Variants in NCAPG2 observed in about 807,000 individuals in gnomAD.
NCAPG2 encodes the protein condensin-2 complex subunit G2.
NCAPG2 carries 53 observed loss-of-function variants against 141.1 expected under a neutral mutation model. That is an observed-to-expected ratio of 0.38 (90% CI 0.30 to 0.47). The LOEUF is 0.47. Ranked by LOEUF, NCAPG2 falls within the 20% of genes least tolerant of loss-of-function variation. The pLI is 0.99. For missense variants in NCAPG2, 1,087 were observed against 1,389.0 expected (o/e 0.78, Z 3.46); for synonymous variants, 499 against 490.7 (o/e 1.02, Z -0.22).
At position 158,679,948 on chromosome 7, in the gene NCAPG2, T is replaced by C; in HGVS notation, c.1146+12A>G. 6.2e-7 allele frequency: 1 copy of C among 1,613,096 alleles called. No individual in the cohort carries two copies. The highest frequency in any genetic ancestry group is 1.1e-5 in the South Asian group (1 of 90,828). On this transcript the variant is annotated intron_variant, in intron 11 of 27. Transcript: ENST00000356309. ...GATATCTGTAAGAAGCTTGACCACCTGAAGTACGTACATAGAGCTCTTCAA... is the reference window on the plus strand; with the variant it reads ...GATATCTGTAAGAAGCTTGACCACCCGAAGTACGTACATAGAGCTCTTCAA...
intron 1 of NCAPG2, among the ~76,000 whole-genome samples, chr7:158,702,830 A>C (rs1835895767): frequency 6.6e-6 from 1 of 152,212 alleles, no homozygotes; most frequent in Non-Finnish European, 1.5e-5. Flanking sequence ...TCCCGAAATA[A>C]GTTAACAGTG....
chr7:158,650,893 C>T lies in NCAPG2; in HGVS notation c.3014G>A (p.Arg1005Gln), dbSNP rs765636505. ...AGCGATCAGAGTAGAAAGTACACCCCGGTGCACAGGGGTGTCTGTGTGCCG... is the reference window on the plus strand; with the variant it reads ...AGCGATCAGAGTAGAAAGTACACCCTGGTGCACAGGGGTGTCTGTGTGCCG... ...QSRHTDTPVH[R>Q]GVLSTLIAGP... The change falls in exon 24 of 28, where the codon CGG becomes CAG. Residue 1005 changes from arginine (R) to glutamine (Q), a missense_variant. Arg to Gln is a conservative substitution (Grantham distance 43, BLOSUM62 1). Coordinates refer to ENST00000356309, the MANE Select transcript of NCAPG2 (RefSeq NM_017760.7). 2.0e-5 allele frequency: 32 copies of T among 1,613,890 alleles called. No individual in the cohort carries two copies. The highest frequency in any genetic ancestry group is 1.1e-4 in the South Asian group (10 of 91,046).
Position 158,690,692 on chromosome 7 carries a change from C to G in NCAPG2, c.413G>C (p.Arg138Pro), listed in dbSNP as rs773534838. 1.9e-6 allele frequency: 3 copies of G among 1,614,016 alleles called. No individual in the cohort carries two copies. Among genetic ancestry groups the G allele is most frequent in the Non-Finnish European group, 2.5e-6 (3 of 1,179,920 alleles). ...GILYALPESE[R>P]KLQSSIQDLC... is the part of the protein sequence containing the mutation. ...ATCCTGAATAGAACTCTGTAGTTTT[C>G]GTTCAGACTCAGGTAATGCATATAA... The change falls in exon 5 of 28, where the codon CGA (arginine) becomes CCA (proline). Residue 138 changes from arginine (R) to proline (P), a missense_variant. Physicochemically the swap from Arg to Pro is moderately radical, Grantham distance 103. Coordinates refer to ENST00000356309, the MANE Select transcript of NCAPG2 (RefSeq NM_017760.7).
intron 17 of NCAPG2, among the ~76,000 whole-genome samples, chr7:158,657,699 G>A (rs1470006824): frequency 1.3e-5 from 2 of 152,238 alleles, no homozygotes; most frequent in Non-Finnish European, 2.9e-5. Flanking sequence ...TGGCGGTTTT[G>A]TGGAATGGAG....
chr7:158,700,395 G>C (rs1390853265), intron 2 of NCAPG2, among the ~76,000 whole-genome samples: 1 of 152,220 alleles, frequency 6.6e-6, no homozygotes, highest in African/African-American at 2.4e-5. Flanking sequence ...GTGGCCACCA[G>C]TGTGATTTTG....
chr7:158,643,893 C>T (rs1004972603), intron 27 of NCAPG2, among the ~76,000 whole-genome samples: 4 of 152,208 alleles, frequency 2.6e-5, no homozygotes, highest in African/African-American at 7.2e-5. Context: ...GGGGAAATTA[C>T]ACACATCTCA....
At chr7:158,666,137 A>G (rs983248906) in intron 13 of NCAPG2, among the ~76,000 whole-genome samples, 1 of 152,210 alleles carries the variant, frequency 6.6e-6, no homozygotes, top group Non-Finnish European at 1.5e-5. Flanking sequence ...AAGGGACTGG[A>G]GATTTCTTAC....
intron 1 of NCAPG2, among the ~76,000 whole-genome samples, chr7:158,703,962 TC>T (rs1355704450): frequency 1.4e-5 from 2 of 144,818 alleles, no homozygotes; most frequent in Admixed American, 6.8e-5. Flanking sequence ...CTGAGGGGAC[TC>T]TCTCTGAGGG....
rs1832565638 is a variant in NCAPG2 at position 158,662,224 on chromosome 7, A to G, written c.1959T>C (p.Ser653=). ...AKLYTINKFA[S]VLPEYLKVFK... is the part of the protein sequence containing the mutation. Reference sequence around the variant, plus strand: ...ATACTTTCAGATACTCTGGAAGCACAGAGGCAAACTTGTTAATCGTGTAAA... The same window carrying G: ...ATACTTTCAGATACTCTGGAAGCACGGAGGCAAACTTGTTAATCGTGTAAA... Residue 653 remains serine, a synonymous_variant, in exon 16 of 28, where the codon TCT becomes TCC. Transcript: ENST00000356309. The G allele has an allele frequency of 1.9e-6, 3 of 1,609,246 alleles. No individual in the cohort carries two copies. The highest frequency in any genetic ancestry group is 2.5e-6 in the Non-Finnish European group (3 of 1,178,536).
intron 17 of NCAPG2, among the ~76,000 whole-genome samples, chr7:158,657,546 A>AC (rs981875816): frequency 8.5e-5 from 13 of 152,218 alleles, no homozygotes; most frequent in African/African-American, 2.9e-4. Context: ...TCAGCCCCCC[A>AC]CCCGGCCAGC....
chr7:158,672,288 G>GTATATATA (rs1563549278), intron 12 of NCAPG2, among the ~76,000 whole-genome samples: 10 of 24,606 alleles, frequency 4.1e-4, no homozygotes, highest in Admixed American at 1.9e-3. Context: ...ATGTGTGTGT[G>GTATATATA]TGTGTATATA....
chr7:158,639,625 AC>A lies in NCAPG2; in HGVS notation c.3380+4663del, dbSNP rs956179962. 1.4e-4 allele frequency among the ~76,000 whole-genome samples: 21 copies of A among 152,220 alleles called. 1 individual carries two copies. Among genetic ancestry groups the A allele is most frequent in the Admixed American group, 1.2e-3 (19 of 15,282 alleles). On this transcript the variant is annotated intron_variant, in intron 27 of 27. Coordinates refer to ENST00000356309, the MANE Select transcript of NCAPG2 (RefSeq NM_017760.7). ...AATAGGAAATCAGACCCAACTACTA[AC>A]ATAGAAGAAACAGGGAAAAGTCATC...
Position 158,693,428 on chromosome 7 carries a change from A to C in NCAPG2, c.148T>G (p.Leu50Val), listed in dbSNP as rs767509794. The change falls in exon 3 of 28, where the codon TTA becomes GTA. Residue 50 changes from leucine (L) to valine (V), a missense_variant. Coordinates refer to ENST00000356309, the MANE Select transcript of NCAPG2 (RefSeq NM_017760.7). ...DELSRKQKEELWQRLKNLLTD... is the reference protein window; with the variant it reads ...DELSRKQKEEVWQRLKNLLTD... The stretch of plus-strand genomic sequence containing the variant: ...AATAAATTCTTCAGCCTTTGCCATA[A>C]TTCTTCTTTCTGTTTCCTTGATAAT... 5.6e-6 allele frequency: 9 copies of C among 1,614,042 alleles called. No homozygotes were observed. Among genetic ancestry groups the C allele is most frequent in the Non-Finnish European group, 7.6e-6 (9 of 1,179,926 alleles).
In NCAPG2 at chr7:158,654,777, A is replaced by G. The variant is rs548437181; in HGVS notation, c.2647-83T>C. On this transcript the variant is annotated intron_variant, in intron 21 of 27. Transcript: ENST00000356309. ...CAGCCTCACAAAGCTTCTCCTATCC[A>G]TGTGCTAGTTATCTTATAAAGCAGA... 665 of 1,513,176 alleles carry G rather than the reference A, an allele frequency of 4.4e-4. 1 individual carries two copies. Among genetic ancestry groups the G allele is most frequent in the Middle Eastern group, 3.0e-3 (17 of 5,598 alleles). 93.7% of individuals were successfully genotyped at this position (1,513,176 alleles called of 1,614,324 possible). A position where few individuals can be genotyped will look rare whatever the true frequency, so the allele number is the denominator to read the frequency against.
rs1204800191 is a variant in NCAPG2, at chr7:158,701,861, C to T, written c.39G>A (p.Lys13=). 3 of 1,613,800 alleles carry T rather than the reference C, an allele frequency of 1.9e-6. No individual in the cohort carries two copies. Among genetic ancestry groups the T allele is most frequent in the Middle Eastern group, 3.3e-4 (2 of 6,060 alleles). The part of the protein sequence containing the change: ...KRETFVQAVS[K]ELVGEFLQFV... ...ATTGCAAAAACTCTCCAACCAGCTC[C>T]TTAGACACGGCTTGTACAAACGTCT... The change falls in exon 2 of 28, where the codon AAG becomes AAA. Residue 13 remains lysine (K), a synonymous_variant. Transcript: ENST00000356309.
chr7:158,653,387 A>AAAAAAAT (rs1554553516), intron 22 of NCAPG2, among the ~76,000 whole-genome samples: 1 of 146,092 alleles, frequency 6.8e-6, no homozygotes, highest in African/African-American at 2.5e-5. Context: ...ATAAAAAAAA[A>AAAAAAAT]AATAATAATA....
rs752369448 is a variant in NCAPG2 at position 158,659,244 on chromosome 7, G to A, written c.1990-836C>T. Among the ~76,000 whole-genome samples, 6 of 146,770 alleles carry A rather than the reference G, an allele frequency of 4.1e-5. No individual in the cohort carries two copies. The East Asian group carries it at 8.1e-4, about 20-fold the overall frequency. On this transcript the variant is annotated intron_variant, in intron 16 of 27. Transcript: ENST00000356309. ...CTCGGAAGGCTGGGGCAGAAGAATC[G>A]CCTGAACCCAGGAGGCAGAGGCTGC...
chr7:158,672,896 T>C lies in NCAPG2; in HGVS notation c.1327-1230A>G, dbSNP rs117624470. 3.4e-4 allele frequency among the ~76,000 whole-genome samples: 52 copies of C among 152,340 alleles called. No individual in the cohort carries two copies. The East Asian group carries it at 7.5e-3, about 22-fold the overall frequency. ...TCTCCTTCAACTTCTCTGGTCTTTC[T>C]TCTGTAGATTCTCTGCTGACTCTTC... On this transcript the variant is annotated intron_variant, in intron 12 of 27. Transcript: ENST00000356309.
intron 10 of NCAPG2, 31 bp from the exon 11 acceptor site, chr7:158,680,116 T>TC (rs1178778674): frequency 1.9e-6 from 3 of 1,605,620 alleles, no homozygotes; most frequent in Non-Finnish European, 2.6e-6. Context: ...TATCTCAGAA[T>TC]CCCAAAGAGT....
Sources: allele counts gnomAD v4.1 joint callset (sites outside exome capture counted in the v4.1 genomes callset), GRCh38; gene constraint gnomAD v4.1.1; transcripts MANE v1.5; gene names NCBI Gene and HGNC (gene_info 2026-07-23, HGNC 2026-07-21).